The following RPH3A variants were observed in gnomAD, a reference collection of about 807,000 sequenced individuals.
RPH3A encodes the protein rabphilin 3A.
In RPH3A, 48 loss-of-function variants were observed where a neutral mutation model predicts 102.2. That is an observed-to-expected ratio of 0.47 (90% CI 0.37 to 0.60). The LOEUF is 0.60. Among genes scored for constraint, RPH3A ranks in the 20% least tolerant of loss-of-function variants. The probability of loss-of-function intolerance (pLI) is 0.00; values close to 1 mark genes in which losing one functional copy is unlikely to be tolerated. For synonymous variants in RPH3A, 310 were observed against 324.3 expected, an observed-to-expected ratio of 0.96 and a Z score of 0.47; for missense variants, 781 against 910.1, an observed-to-expected ratio of 0.86 and a Z score of 1.83.
At chr12:112,663,520 T>A (rs964297085) in intron 1 of RPH3A, among the ~76,000 whole-genome samples, 5 of 152,004 alleles carry the variant, frequency 3.3e-5, no homozygotes, top group African/African-American at 1.2e-4. Context: ...GCTAATTTAC[T>A]TATTATTATT....
chr12:112,847,009 C>T (rs571214504), intron 4 of RPH3A, among the ~76,000 whole-genome samples: 1 of 152,232 alleles, frequency 6.6e-6, no homozygotes, highest in East Asian at 1.9e-4. Context: ...ACAAACAGCC[C>T]CTGCCTTGTA....
At chr12:112,579,222 G>A (rs1460042821) in intron 1 of RPH3A, among the ~76,000 whole-genome samples, 41 of 152,066 alleles carry the variant, frequency 2.7e-4, no homozygotes, top group Admixed American at 2.7e-3. Context: ...ACTTCCATTG[G>A]GCAGAGTTTC....
intron 3 of RPH3A, among the ~76,000 whole-genome samples, chr12:112,833,337 G>A (rs2136163046): frequency 6.6e-6 from 1 of 152,324 alleles, no homozygotes; most frequent in South Asian, 2.1e-4. Context: ...TTTCCCCAGA[G>A]AGTCAGTTGT....
chr12:112,616,148 T>C (rs1410880425), intron 1 of RPH3A, among the ~76,000 whole-genome samples: 5 of 152,174 alleles, frequency 3.3e-5, no homozygotes, highest in Non-Finnish European at 7.3e-5. Flanking sequence ...CATTCTTTTT[T>C]TGTTTTTGTT....
At position 112,828,097 on chromosome 12, in the gene RPH3A, C is replaced by T. The variant is rs551897233; in HGVS notation, c.-18-204C>T. On this transcript the variant is annotated intron_variant, in intron 2 of 21. Transcript: ENST00000389385. ...GGTGAGGGGGTTCTTCCCTCTGGTG[C>T]ATTTCTTGCCACGGGGTAGCTGTGA... Among the ~76,000 whole-genome samples the T allele has an allele frequency of 5.3e-4, 80 of 152,248 alleles. 1 individual carries two copies. Among genetic ancestry groups the T allele is most frequent in the African/African-American group, 1.9e-3 (78 of 41,540 alleles).
chr12:112,764,897 A>C (rs140078553), intron 1 of RPH3A, among the ~76,000 whole-genome samples: 61 of 152,148 alleles, frequency 4.0e-4, no homozygotes, highest in African/African-American at 1.1e-3. Context: ...TCCTGCATTA[A>C]ATTTCATCTG....
intron 1 of RPH3A, among the ~76,000 whole-genome samples, chr12:112,653,808 C>T (rs1159599460): frequency 1.3e-5 from 2 of 152,156 alleles, no homozygotes; most frequent in Non-Finnish European, 2.9e-5. Context: ...ATCACAAACA[C>T]ATTGTACAGC....
At chr12:112,812,738 T>C (rs1407081925) in intron 2 of RPH3A, among the ~76,000 whole-genome samples, 1 of 152,192 alleles carries the variant, frequency 6.6e-6, no homozygotes, top group East Asian at 1.9e-4. Context: ...CCTTTGTATA[T>C]TTATTCATTC....
chr12:112,644,763 G>A (rs1477280589), intron 1 of RPH3A, among the ~76,000 whole-genome samples: 1 of 152,146 alleles, frequency 6.6e-6, no homozygotes, highest in African/African-American at 2.4e-5. Flanking sequence ...TGTAGATGAG[G>A]TCAATATCCA....
At chr12:112,600,459 C>A (rs796784676) in intron 1 of RPH3A, among the ~76,000 whole-genome samples, 28 of 152,284 alleles carry the variant, frequency 1.8e-4, no homozygotes, top group African/African-American at 6.7e-4. Flanking sequence ...TGAGTTCCAT[C>A]CTACTCTGGT....
chr12:112,778,131 A>G (rs2040981467), intron 1 of RPH3A, among the ~76,000 whole-genome samples: 1 of 152,228 alleles, frequency 6.6e-6, no homozygotes, highest in African/African-American at 2.4e-5. Context: ...CCCAAACACA[A>G]GAAGAGCCAG....
chr12:112,650,817 C>T (rs557839689), intron 1 of RPH3A: 1 of 152,026 alleles, frequency 6.6e-6, no homozygotes, highest in East Asian at 2.0e-4. Context: ...CAACCTCCGC[C>T]TCCTGGGCTC....
intron 1 of RPH3A, among the ~76,000 whole-genome samples, chr12:112,773,204 T>C (rs1156843796): frequency 6.6e-6 from 1 of 152,128 alleles, no homozygotes; most frequent in East Asian, 1.9e-4. Flanking sequence ...TTGGGTTGGT[T>C]CCATGATTTT....
chr12:112,598,965 T>A (rs1018945052), intron 1 of RPH3A, among the ~76,000 whole-genome samples: 6 of 152,210 alleles, frequency 3.9e-5, no homozygotes, highest in Admixed American at 3.9e-4. Context: ...GGTGTGAGGT[T>A]AATTGGTAAT....
In RPH3A at chr12:112,628,155, G is replaced by A. The variant is rs114395376; in HGVS notation, c.-140+52836G>A. ...GCAATTTGACATGAGATTTGGGCAG[G>A]GACACAAATCCAAACCATATCACAA... On this transcript the variant is annotated intron_variant, in intron 1 of 21. Transcript: ENST00000543106. 7.8e-3 allele frequency among the ~76,000 whole-genome samples: 1,178 copies of A among 151,954 alleles called. 11 individuals carry two copies. Among genetic ancestry groups the A allele is most frequent in the African/African-American group, 0.027 (1,120 of 41,418 alleles).
intron 1 of RPH3A, among the ~76,000 whole-genome samples, chr12:112,663,484 A>G (rs1047620905): frequency 3.9e-5 from 6 of 152,058 alleles, no homozygotes; most frequent in Non-Finnish European, 8.8e-5. Context: ...CTTAGCTGTG[A>G]CCATAGACAT....
chr12:112,606,113 C>T (rs2039594552), intron 1 of RPH3A, among the ~76,000 whole-genome samples: 1 of 152,132 alleles, frequency 6.6e-6, no homozygotes, highest in South Asian at 2.1e-4. Context: ...GGCTCCTTCC[C>T]TTCCACAAGC....
chr12:112,763,797 A>G (rs1440106392), intron 1 of RPH3A, among the ~76,000 whole-genome samples: 1 of 152,150 alleles, frequency 6.6e-6, no homozygotes, highest in Non-Finnish European at 1.5e-5. Context: ...CTAGTTTTTC[A>G]GGTTAACTTT....
chr12:112,716,245 G>C (rs1252140559), intron 1 of RPH3A, among the ~76,000 whole-genome samples: 1 of 152,142 alleles, frequency 6.6e-6, no homozygotes, highest in African/African-American at 2.4e-5. Flanking sequence ...AACCTCCTGG[G>C]AATGCAGCCC....
Sources: gnomAD v4.1 joint callset for allele counts (sites outside exome capture counted in the v4.1 genomes callset) on GRCh38, gnomAD v4.1.1 for gene constraint, MANE v1.5 for transcripts, NCBI Gene and HGNC (gene_info 2026-07-23, HGNC 2026-07-21) for gene names.